Variants in EPHA1 observed in about 807,000 individuals in gnomAD.
EPHA1 encodes EPH receptor A1, also known as ephrin type-A receptor 1.
In EPHA1, 92 loss-of-function variants were observed where a neutral mutation model predicts 110.1. That is an observed-to-expected ratio of 0.84 (90% CI 0.71 to 0.99). EPHA1 has a LOEUF of 0.99. Ranked by LOEUF, EPHA1 falls within the 50% of genes least tolerant of loss-of-function variation. EPHA1 has a pLI of 0.00. For synonymous variants in EPHA1, 500 were observed against 516.1 expected, an observed-to-expected ratio of 0.97 and a Z score of 0.42; for missense variants, 1,204 against 1,285.4, an observed-to-expected ratio of 0.94 and a Z score of 0.97.
At position 143,399,402 on chromosome 7, in the gene EPHA1, C is replaced by T. The variant is rs760751325; in HGVS notation, c.847G>A (p.Gly283Ser). ...GTGTCCATGTCCATCCGGTAGGAGCCGCTAGGGCAGGCTGGAGAGAGAACG... is the reference window on the plus strand; with the variant it reads ...GTGTCCATGTCCATCCGGTAGGAGCTGCTAGGGCAGGCTGGAGAGAGAACG... Reference protein sequence around the residue: ...SGEACVACPSGSYRMDMDTPH... With the variant: ...SGEACVACPSSSYRMDMDTPH... Residue 283 changes from glycine to serine, a missense_variant, in exon 5 of 18, where the codon GGC becomes AGC. Gly to Ser is a moderately conservative substitution (Grantham distance 56, BLOSUM62 0). Coordinates refer to ENST00000275815, the MANE Select transcript of EPHA1 (RefSeq NM_005232.5). 41 of 1,589,162 alleles carry T rather than the reference C, an allele frequency of 2.6e-5. No homozygotes were observed. The highest frequency in any genetic ancestry group is 1.7e-4 in the Middle Eastern group (1 of 5,738).
In EPHA1 at chr7:143,391,554, G is replaced by A. The variant is rs756149881; in HGVS notation, c.2853-19C>T. ...CAGGTCCCTGTGGGCAAGGAAGGGTGGGGGCATGAGTCCGGAGGCTCCACC... is the reference window on the plus strand; with the variant it reads ...CAGGTCCCTGTGGGCAAGGAAGGGTAGGGGCATGAGTCCGGAGGCTCCACC... On this transcript the variant is annotated intron_variant, in intron 17 of 17. Coordinates refer to ENST00000275815, the MANE Select transcript of EPHA1 (RefSeq NM_005232.5). 2 of 1,614,140 alleles carry A rather than the reference G, an allele frequency of 1.2e-6. No homozygotes were observed. Among genetic ancestry groups the A allele is most frequent in the Admixed American group, 3.3e-5 (2 of 60,028 alleles).
At chr7:143,392,452 G>GT (rs1805114585) in intron 16 of EPHA1, among the ~76,000 whole-genome samples, 1 of 152,198 alleles carries the variant, frequency 6.6e-6, no homozygotes, top group African/African-American at 2.4e-5. Flanking sequence ...CAGAAACAAG[G>GT]TTATATATGG....
chr7:143,401,195 C>G lies in EPHA1; in HGVS notation c.432+129G>C. ...GGCACAAGCCACCATGCCCAGCCTT[C>G]AAGCGCCAAATTCTTTTCAAGATTC... On this transcript the variant is annotated intron_variant, in intron 3 of 17. Transcript: ENST00000275815. This position sits in a 1 kb window ranked among gnomAD's most constrained non-coding sequence, Gnocchi z 4.1. 1 of 1,273,520 alleles carries G rather than the reference C, an allele frequency of 7.9e-7. No homozygotes were observed. The highest frequency in any genetic ancestry group is 1.1e-6 in the Non-Finnish European group (1 of 929,264). The allele number at this position is 1,273,520 out of a possible 1,614,324, so 78.9% of individuals were successfully genotyped here. A position where few individuals can be genotyped will look rare whatever the true frequency, so the allele number is the denominator to read the frequency against.
chr7:143,392,455 A>G (rs988437312), intron 16 of EPHA1, among the ~76,000 whole-genome samples: 1 of 152,188 alleles, frequency 6.6e-6, no homozygotes, highest in Non-Finnish European at 1.5e-5. Context: ...AAACAAGGTT[A>G]TATATGGTGG....
In EPHA1 at chr7:143,400,063, A is replaced by G. The variant is rs775887787; in HGVS notation, c.433-10T>C. On this transcript the variant is annotated splice_polypyrimidine_tract_variant and intron_variant, in intron 3 of 17. Transcript: ENST00000275815. ...CAGCCACCGTGGTTACCTGGGTAGA[A>G]GGTGGGGAAGAAAGGGGAGCAATGG... 4 of 1,583,280 alleles carry G rather than the reference A, an allele frequency of 2.5e-6. No homozygotes were observed. In the African/African-American group the frequency reaches 5.4e-5, roughly 21 times the overall value.
Position 143,397,675 on chromosome 7 carries a change from T to C in EPHA1, c.1616-18A>G, listed in dbSNP as rs2116622396. On this transcript the variant is annotated intron_variant, in intron 8 of 17. Coordinates refer to ENST00000275815, the MANE Select transcript of EPHA1 (RefSeq NM_005232.5). ...CCTGGACACTGTAGGCACAAAGGGA[T>C]GAGGAAGTGTTGGGACTCACAGTCC... 1 of 1,613,560 alleles carries C rather than the reference T, an allele frequency of 6.2e-7. No homozygotes were observed.
Position 143,393,829 on chromosome 7 carries a change from G to A in EPHA1, c.2538C>T (p.Pro846=). The A allele has an allele frequency of 6.3e-7, 1 of 1,588,648 alleles. No individual in the cohort carries two copies. The highest frequency in any genetic ancestry group is 8.6e-7 in the Non-Finnish European group (1 of 1,164,356). The change falls in exon 16 of 18, where the codon CCC becomes CCT. Residue 846 remains proline (P), a synonymous_variant. Coordinates refer to ENST00000275815, the MANE Select transcript of EPHA1 (RefSeq NM_005232.5). The surrounding 1 kb of genome is among the most constrained non-coding windows in gnomAD (Gnocchi z 5.6). ...GAGGGGCAGGGCAGTCCACAGGAGG[G>A]GGCAACCGGTACCCATCCTCAATGC... ...MKSIEDGYRL[P]PPVDCPAPLY...
intron 2 of EPHA1, among the ~76,000 whole-genome samples, chr7:143,406,790 C>A (rs1457758002): frequency 6.6e-6 from 1 of 152,180 alleles, no homozygotes; most frequent in African/African-American, 2.4e-5. Flanking sequence ...CACAGGTCAC[C>A]GAAGTGATTT....
Position 143,394,943 on chromosome 7 carries a change from G to T in EPHA1, c.2217C>A (p.Tyr739Ter), listed in dbSNP as rs915206166. 2.5e-6 allele frequency: 4 copies of T among 1,614,024 alleles called. No individual in the cohort carries two copies. The highest frequency in any genetic ancestry group is 3.4e-6 in the Non-Finnish European group (4 of 1,180,042). Residue 739 changes from tyrosine to a stop codon, truncating the protein, a stop_gained, in exon 14 of 18, where the codon TAC (tyrosine) becomes TAA (stop). Coordinates refer to ENST00000275815, the MANE Select transcript of EPHA1 (RefSeq NM_005232.5). LOFTEE classifies it high-confidence loss of function. Reference sequence around the variant, plus strand: ...GGTGGACATAATTGTGATTACTGAGGTAGTTCATGCCAGATGCTATGCCCT... The same window carrying T: ...GGTGGACATAATTGTGATTACTGAGTTAGTTCATGCCAGATGCTATGCCCT... ...MLQGIASGMN[Y>*]LSNHNYVHRD...
At position 143,392,934 on chromosome 7, in the gene EPHA1, T is replaced by G. The variant is rs536731943; in HGVS notation, c.2696+737A>C. ...TCCAGCCTGGGCGACAGAGCAAGAC[T>G]CCGTCTCGGGGTGGAAAAAAAAACA... On this transcript the variant is annotated intron_variant, in intron 16 of 17. Coordinates refer to ENST00000275815, the MANE Select transcript of EPHA1 (RefSeq NM_005232.5). 2.6e-5 allele frequency among the ~76,000 whole-genome samples: 4 copies of G among 151,618 alleles called. No individual in the cohort carries two copies. In the East Asian group the frequency reaches 7.8e-4, roughly 30 times the overall value.
chr7:143,404,543 A>T (rs966816814), intron 2 of EPHA1, among the ~76,000 whole-genome samples: 1 of 152,156 alleles, frequency 6.6e-6, no homozygotes, highest in African/African-American at 2.4e-5. Context: ...TTATATATTT[A>T]TTTAAAAATT....
rs774390706 is a variant in EPHA1, at chr7:143,397,648, C to A, written c.1625G>T (p.Gly542Val). The change falls in exon 9 of 18, where the codon GGC becomes GTC. Residue 542 changes from glycine (G) to valine (V), a missense_variant. Coordinates refer to ENST00000275815, the MANE Select transcript of EPHA1 (RefSeq NM_005232.5). ...EFRTSPPVSR[G>V]LTGGEIVAVI... ...GGCTACAATCTCTCCTCCAGTCAGGCCCCTGGACACTGTAGGCACAAAGGG... is the reference window on the plus strand; with the variant it reads ...GGCTACAATCTCTCCTCCAGTCAGGACCCTGGACACTGTAGGCACAAAGGG... 4 of 1,614,012 alleles carry A rather than the reference C, an allele frequency of 2.5e-6. No individual in the cohort carries two copies. Among genetic ancestry groups the A allele is most frequent in the Non-Finnish European group, 3.4e-6 (4 of 1,180,014 alleles).
rs574122123 is a variant in EPHA1, at chr7:143,398,258, C to T, written c.1464+63G>A. ...GATTCCTCCCAACCCACACCCCAGG[C>T]TAGGAATGTTGGGGTGTGCCCGGGC... On this transcript the variant is annotated intron_variant, in intron 7 of 17. Coordinates refer to ENST00000275815, the MANE Select transcript of EPHA1 (RefSeq NM_005232.5). The T allele has an allele frequency of 1.1e-4, 174 of 1,605,012 alleles. 2 individuals carry two copies. The African/African-American group carries it at 2.2e-3, about 20-fold the overall frequency.
chr7:143,398,933 G>C lies in EPHA1; in HGVS notation c.1004C>G (p.Ala335Gly). Reference sequence around the variant, plus strand: ...GGCAGAGAAGCTCAGGTTTCGGGGGGCCGAGGGGGGACCTGTGGGAGAAGA... The same window carrying C: ...GGCAGAGAAGCTCAGGTTTCGGGGGCCCGAGGGGGGACCTGTGGGAGAAGA... The part of the protein sequence containing the change: ...PQVACTGPPS[A>G]PRNLSFSASG... Residue 335 changes from alanine (A) to glycine (G), a missense_variant, in exon 6 of 18, where the codon GCC (alanine) becomes GGC (glycine). Coordinates refer to ENST00000275815, the MANE Select transcript of EPHA1 (RefSeq NM_005232.5). 1 of 1,603,192 alleles carries C rather than the reference G, an allele frequency of 6.2e-7. No homozygotes were observed. Among genetic ancestry groups the C allele is most frequent in the Non-Finnish European group, 8.5e-7 (1 of 1,174,502 alleles).
rs1229256843 is a variant in EPHA1 at position 143,407,070 on chromosome 7, G to C, written c.150+541C>G. On this transcript the variant is annotated intron_variant, in intron 2 of 17. Transcript: ENST00000275815. ...TTTAGGGGAGCAGCTTTTAACTTCGGAGGAGTCAAAGACCCTTTGAAGAAT... is the reference window on the plus strand; with the variant it reads ...TTTAGGGGAGCAGCTTTTAACTTCGCAGGAGTCAAAGACCCTTTGAAGAAT... 3.3e-5 allele frequency among the ~76,000 whole-genome samples: 5 copies of C among 152,236 alleles called. No homozygotes were observed. In the East Asian group the frequency reaches 9.7e-4, roughly 29 times the overall value.
Position 143,408,728 on chromosome 7 carries a change from C to T in EPHA1, c.78G>A (p.Lys26=), listed in dbSNP as rs1805632806. The change falls in exon 1 of 18, where the codon AAG becomes AAA. Residue 26 remains lysine (K), a synonymous_variant. Coordinates refer to ENST00000275815, the MANE Select transcript of EPHA1 (RefSeq NM_005232.5). Reference sequence around the variant, plus strand: ...CGCGGGGGCGGGGGTCGGTACCTTCCTTGGCGCGCGCCCCCGGGGGCAGCG... The same window carrying T: ...CGCGGGGGCGGGGGTCGGTACCTTCTTTGGCGCGCGCCCCCGGGGGCAGCG... ...CAPLPPGARA[K]EVTLMDTSKA... is the part of the protein sequence containing the mutation. 7.7e-6 allele frequency: 7 copies of T among 910,702 alleles called. No homozygotes were observed. The allele number at this position is 910,702 out of a possible 1,614,324, so 56.4% of individuals were successfully genotyped here. A position where few individuals can be genotyped will look rare whatever the true frequency, so the allele number is the denominator to read the frequency against.
Position 143,392,162 on chromosome 7 carries a change from G to A in EPHA1, c.2697-387C>T, listed in dbSNP as rs147620349. Among the ~76,000 whole-genome samples, 412 of 152,306 alleles carry A rather than the reference G, an allele frequency of 2.7e-3. 1 individual carries two copies. The highest frequency in any genetic ancestry group is 9.4e-3 in the African/African-American group (390 of 41,558). The stretch of plus-strand genomic sequence containing the variant: ...GAGAACAGAGGCCTGGCACCTGGGC[G>A]TGGTCCTGCCTTTTTCCATAGTGGC... On this transcript the variant is annotated intron_variant, in intron 16 of 17. Coordinates refer to ENST00000275815, the MANE Select transcript of EPHA1 (RefSeq NM_005232.5).
Position 143,401,511 on chromosome 7 carries a change from C to A in EPHA1, c.245G>T (p.Arg82Leu), listed in dbSNP as rs1029805928. Residue 82 changes from arginine (R) to leucine (L), a missense_variant, in exon 3 of 18, where the codon CGC (arginine) becomes CTC (leucine). By Grantham distance (102) the Arg-to-Leu change is moderately radical. Coordinates refer to ENST00000275815, the MANE Select transcript of EPHA1 (RefSeq NM_005232.5). This position sits in a 1 kb window ranked among gnomAD's most constrained non-coding sequence, Gnocchi z 4.1. Reference sequence around the variant, plus strand: ...CTCCCCGCGGTAGATCCAATTGGAGCGAAGCCAGTGGTCAGTGTCTCTGCG... The same window carrying A: ...CTCCCCGCGGTAGATCCAATTGGAGAGAAGCCAGTGGTCAGTGTCTCTGCG... The part of the protein sequence containing the change: ...QGRRDTDHWL[R>L]SNWIYRGEEA... 2 of 1,614,108 alleles carry A rather than the reference C, an allele frequency of 1.2e-6. No individual in the cohort carries two copies. The highest frequency in any genetic ancestry group is 1.7e-6 in the Non-Finnish European group (2 of 1,180,032).
rs1284134431 is a variant in EPHA1 at position 143,407,685 on chromosome 7, G to T, written c.83-7C>A. On this transcript the variant is annotated splice_polypyrimidine_tract_variant and splice_region_variant and intron_variant, in intron 1 of 17. Transcript: ENST00000275815. ...CTTGTGTCCATCAGAGTAACTGAAA[G>T]TGGGGAGAAAAGAAGTCTGTCACCT... 1 of 1,613,084 alleles carries T rather than the reference G, an allele frequency of 6.2e-7. No individual in the cohort carries two copies. Among genetic ancestry groups the T allele is most frequent in the South Asian group, 1.1e-5 (1 of 90,846 alleles).
Sources: gnomAD v4.1 joint callset for allele counts (sites outside exome capture counted in the v4.1 genomes callset) on GRCh38, gnomAD v4.1.1 for gene constraint, Gnocchi (gnomAD v3.1) non-coding constraint, MANE v1.5 for transcripts, NCBI Gene and HGNC (gene_info 2026-07-23, HGNC 2026-07-21) for gene names.